Variants in CNIH3 observed in about 807,000 individuals in gnomAD.
CNIH3 encodes the protein protein cornichon homolog 3.
A neutral mutation model predicts 24.1 loss-of-function variants in CNIH3; 14 were observed. The observed-to-expected ratio is 0.58, with a 90% CI of 0.38 to 0.91. The LOEUF (loss-of-function observed/expected upper bound fraction) is 0.91, where lower values mean the gene tolerates loss of function less well. Ranked by LOEUF, CNIH3 falls within the 40% of genes least tolerant of loss-of-function variation. The probability of loss-of-function intolerance (pLI) is 0.00; values close to 1 mark genes in which losing one functional copy is unlikely to be tolerated. For synonymous variants in CNIH3, 68 were observed against 73.8 expected, an observed-to-expected ratio of 0.92 and a Z score of 0.40; for missense variants, 178 against 196.8, an observed-to-expected ratio of 0.90 and a Z score of 0.57.
At chr1:224,673,150 A>G (rs1443979857) in intron 1 of CNIH3, among the ~76,000 whole-genome samples, 1 of 152,186 alleles carries the variant, frequency 6.6e-6, no homozygotes, top group Admixed American at 6.5e-5. Context: ...CTGGTTTCAC[A>G]CTGATCAACC....
At chr1:224,612,226 G>C (rs1682734130), upstream of CNIH3, among the ~76,000 whole-genome samples, 1 of 152,176 alleles carries the variant, frequency 6.6e-6, no homozygotes, top group South Asian at 2.1e-4. The surrounding 1 kb of genome is among the most constrained non-coding windows in gnomAD (Gnocchi z 4.7). Context: ...AAGCATCAAA[G>C]ACCTAATAAG....
At chr1:224,548,433 G>C (rs1298856921) in intron 3 of CNIH3, among the ~76,000 whole-genome samples, 2 of 151,964 alleles carry the variant, frequency 1.3e-5, no homozygotes, top group African/African-American at 4.8e-5. Flanking sequence ...TGTACACCCT[G>C]TGATATTATT....
chr1:224,723,300 T>G (rs889099821), intron 3 of CNIH3, among the ~76,000 whole-genome samples: 1 of 152,086 alleles, frequency 6.6e-6, no homozygotes, highest in African/African-American at 2.4e-5. Flanking sequence ...TCAGGAGCAA[T>G]GGGCAGCAGG....
rs576670641 is a variant in CNIH3, at chr1:224,603,756, G to C, written n.402+37492G>C. Among the ~76,000 whole-genome samples the C allele has an allele frequency of 7.2e-5, 11 of 152,202 alleles. No individual in the cohort carries two copies. In the South Asian group the frequency reaches 2.1e-3, roughly 29 times the overall value. ...TGTTATTTTGTACTGACGCTTGCAC[G>C]GTGTAAAGGATGTCTGAGGTGGTTT... On this transcript the variant is annotated intron_variant and non_coding_transcript_variant, in intron 3 of 7. Transcript: ENST00000478120.
intron 1 of CNIH3, among the ~76,000 whole-genome samples, chr1:224,502,305 G>A (rs1039458251): frequency 5.3e-5 from 8 of 152,178 alleles, no homozygotes; most frequent in Admixed American, 3.9e-4. Flanking sequence ...CTCTGTGAAC[G>A]TAGCTGGTCA....
At chr1:224,453,663 T>C (rs1360078333) in intron 1 of CNIH3, among the ~76,000 whole-genome samples, 3 of 151,674 alleles carry the variant, frequency 2.0e-5, no homozygotes, top group African/African-American at 7.3e-5. Context: ...TGGGTTCTTG[T>C]TATATTGCCC....
chr1:224,698,393 C>T (rs1687292091), intron 3 of CNIH3, among the ~76,000 whole-genome samples: 1 of 152,170 alleles, frequency 6.6e-6, no homozygotes, highest in South Asian at 2.1e-4. Context: ...GCTATTGTGG[C>T]CTTTTAGTGG....
In CNIH3 at chr1:224,703,196, G is replaced by A. The variant is rs1048746610; in HGVS notation, c.198+18353G>A. On this transcript the variant is annotated intron_variant, in intron 3 of 5. Coordinates refer to ENST00000272133, the MANE Select transcript of CNIH3 (RefSeq NM_152495.2). The surrounding 1 kb of genome is among the most constrained non-coding windows in gnomAD (Gnocchi z 4.2). ...CCTGTTGGAGGGGCCAGATTTTGAG[G>A]AGCCAGTGACCTAGTGTCTGTGCAT... 1.3e-5 allele frequency among the ~76,000 whole-genome samples: 2 copies of A among 152,096 alleles called. No homozygotes were observed. The highest frequency in any genetic ancestry group is 2.4e-5 in the African/African-American group (1 of 41,394).
At chr1:224,560,451 C>T (rs551852093) in intron 3 of CNIH3, among the ~76,000 whole-genome samples, 13 of 152,134 alleles carry the variant, frequency 8.5e-5, no homozygotes, top group Non-Finnish European at 1.5e-4. Context: ...AGGAACCGGG[C>T]CCCACAGCAG....
intron 1 of CNIH3, among the ~76,000 whole-genome samples, chr1:224,628,907 A>C (rs756647431): frequency 3.3e-5 from 5 of 151,844 alleles, no homozygotes; most frequent in Admixed American, 2.0e-4. Context: ...AATCAGAAAA[A>C]ATTTAAATCT....
chr1:224,505,963 A>G (rs992781872), intron 1 of CNIH3, among the ~76,000 whole-genome samples: 2 of 152,172 alleles, frequency 1.3e-5, no homozygotes, highest in Non-Finnish European at 2.9e-5. Flanking sequence ...TCTTGAAATG[A>G]TTGGCTTAAA....
intron 1 of CNIH3, among the ~76,000 whole-genome samples, chr1:224,657,080 A>G (rs938039873): frequency 6.6e-6 from 1 of 152,192 alleles, no homozygotes; most frequent in Non-Finnish European, 1.5e-5. Context: ...TCGATATGCC[A>G]GAGGCAACAT....
intron 2 of CNIH3, among the ~76,000 whole-genome samples, chr1:224,522,336 A>T (rs1572407368): frequency 6.6e-6 from 1 of 152,222 alleles, no homozygotes; most frequent in East Asian, 1.9e-4. Context: ...AACTCATTCC[A>T]GCAAAGACAG....
intron 3 of CNIH3, among the ~76,000 whole-genome samples, chr1:224,685,267 T>C (rs1686599399): frequency 6.6e-6 from 1 of 152,184 alleles, no homozygotes; most frequent in Non-Finnish European, 1.5e-5. Flanking sequence ...GTCACGCAGC[T>C]TTGCAATTTG....
intron 1 of CNIH3, among the ~76,000 whole-genome samples, chr1:224,622,436 T>C (rs1683326932): frequency 6.6e-6 from 1 of 152,190 alleles, no homozygotes; most frequent in Admixed American, 6.5e-5. Context: ...CATGGCACCT[T>C]ATCATTGTTT....
intron 1 of CNIH3, among the ~76,000 whole-genome samples, chr1:224,632,653 AT>A (rs1683883594): frequency 6.6e-6 from 1 of 152,026 alleles, no homozygotes; most frequent in Non-Finnish European, 1.5e-5. Flanking sequence ...ATCATGTGAA[AT>A]CATCTGGAGC....
chr1:224,659,974 C>T (rs145006054), intron 1 of CNIH3, among the ~76,000 whole-genome samples: 45 of 152,258 alleles, frequency 3.0e-4, no homozygotes, highest in African/African-American at 9.9e-4. Context: ...AAGAGCAAAT[C>T]GATATTTTAA....
chr1:224,446,666 T>G (rs1675178811), intron 1 of CNIH3, among the ~76,000 whole-genome samples: 1 of 152,362 alleles, frequency 6.6e-6, no homozygotes, highest in Non-Finnish European at 1.5e-5. Context: ...AAAAGTCTAC[T>G]GTTAAAAGAC....
chr1:224,468,809 A>AGTGAGACCCT (rs1676248032), intron 1 of CNIH3, among the ~76,000 whole-genome samples: 1 of 150,456 alleles, frequency 6.6e-6, no homozygotes, highest in Non-Finnish European at 1.5e-5. Flanking sequence ...TGCGTGACAG[A>AGTGAGACCCT]GTGAGACCCT....
Sources: gnomAD v4.1 joint callset for allele counts (sites outside exome capture counted in the v4.1 genomes callset) on GRCh38, gnomAD v4.1.1 for gene constraint, Gnocchi (gnomAD v3.1) non-coding constraint, MANE v1.5 for transcripts, NCBI Gene and HGNC (gene_info 2026-07-23, HGNC 2026-07-21) for gene names.